The following DSE variants were observed in gnomAD, a reference collection of about 807,000 sequenced individuals.
DSE encodes dermatan sulfate epimerase.
In DSE, 36 loss-of-function variants were observed where a neutral mutation model predicts 84.4. The observed-to-expected ratio is 0.43, with a 90% confidence interval of 0.33 to 0.56. The LOEUF (loss-of-function observed/expected upper bound fraction) is 0.56, where lower values mean the gene tolerates loss of function less well. Among genes scored for constraint, DSE ranks in the 20% least tolerant of loss-of-function variants. The probability of loss-of-function intolerance (pLI) is 0.06; values close to 1 mark genes in which losing one functional copy is unlikely to be tolerated. For synonymous variants in DSE, 410 were observed against 430.1 expected (o/e 0.95, Z 0.58); for missense variants, 862 against 1,169.6 (o/e 0.74, Z 3.84).
chr6:116,372,470 C>A (rs1779661219), intron 1 of DSE, among the ~76,000 whole-genome samples: 1 of 152,106 alleles, frequency 6.6e-6, no homozygotes, highest in Admixed American at 6.5e-5. Context: ...CAAAACAAAA[C>A]AAAATTCTCA....
chr6:116,431,497 A>G (rs1470390072), intron 4 of DSE, among the ~76,000 whole-genome samples: 2 of 152,118 alleles, frequency 1.3e-5, no homozygotes, highest in African/African-American at 4.8e-5. Flanking sequence ...ATACGAACTC[A>G]TCTTCATCAT....
At chr6:116,299,095 A>G (rs957125123) in intron 2 of DSE, among the ~76,000 whole-genome samples, 2 of 152,208 alleles carry the variant, frequency 1.3e-5, no homozygotes, top group Non-Finnish European at 2.9e-5. Flanking sequence ...TCAGGATGTT[A>G]TCAATTTGCA....
intron 1 of DSE, 70 bp downstream of exon 1, chr6:116,371,191 G>A (rs1376107817): frequency 2.0e-6 from 2 of 985,368 alleles, no homozygotes; most frequent in African/African-American, 1.7e-5. Context: ...TTTCGGGCGG[G>A]TAGCCTTCGG....
At chr6:116,354,376 T>G (rs1216420571) in intron 2 of DSE, among the ~76,000 whole-genome samples, 1 of 152,142 alleles carries the variant, frequency 6.6e-6, no homozygotes, top group African/African-American at 2.4e-5. Flanking sequence ...GTCGGGCTCT[T>G]TTTTCTGGTA....
At chr6:116,421,528 G>A (rs1438648826) in intron 2 of DSE, among the ~76,000 whole-genome samples, 1 of 133,966 alleles carries the variant, frequency 7.5e-6, no homozygotes, top group East Asian at 2.2e-4. Flanking sequence ...AGCCTGGAGT[G>A]CAGTGGTGCA....
chr6:116,431,315 G>A, intron 4 of DSE, 122 bp downstream of exon 4: 1 of 1,336,944 alleles, frequency 7.5e-7, no homozygotes, highest in Non-Finnish European at 9.9e-7. Flanking sequence ...AAATTAAATA[G>A]ATTTTTTTAA....
intron 2 of DSE, among the ~76,000 whole-genome samples, chr6:116,363,183 A>G (rs1428067134): frequency 6.6e-6 from 1 of 152,008 alleles, no homozygotes; most frequent in African/African-American, 2.4e-5. Flanking sequence ...ACTTTGTAAC[A>G]GTTGCTTTTT....
intron 2 of DSE, among the ~76,000 whole-genome samples, chr6:116,410,733 C>CAAAAAAAAAAAAAAAA (rs765969508): frequency 3.8e-5 from 3 of 79,612 alleles, no homozygotes; most frequent in African/African-American, 1.2e-4. Context: ...GACTCTGTCT[C>CAAAAAAAAAAAAAAAA]AAAAAAAAAA....
chr6:116,341,972 C>T (rs144924220), intron 2 of DSE, among the ~76,000 whole-genome samples: 7 of 152,168 alleles, frequency 4.6e-5, no homozygotes, highest in Admixed American at 1.3e-4. Context: ...CTTGGCAATG[C>T]GGGCTCTTTT....
chr6:116,437,556 T>A lies in DSE; in HGVS notation c.*211T>A, dbSNP rs1281169435. The A allele has an allele frequency of 1.2e-5, 6 of 511,240 alleles. No homozygotes were observed. Among genetic ancestry groups the A allele is most frequent in the Non-Finnish European group, 2.0e-5 (6 of 297,368 alleles). The allele number at this position is 511,240 out of a possible 1,614,324, so 31.7% of individuals were successfully genotyped here. On this transcript the variant is annotated 3_prime_UTR_variant, in exon 6 of 6. Transcript: ENST00000644252. The stretch of plus-strand genomic sequence containing the variant: ...CAATAGAAATAGCTTGGTGGTCCTA[T>A]GGTGTTTTTGGAAGTATTTGGCATT...
intron 2 of DSE, among the ~76,000 whole-genome samples, chr6:116,364,880 C>G (rs1030091497): frequency 9.1e-5 from 13 of 142,316 alleles, no homozygotes; most frequent in African/African-American, 3.5e-4. Flanking sequence ...GTTGCCCAGG[C>G]TGGAGTGCAG....
At chr6:116,412,879 T>C (rs2115028780) in intron 2 of DSE, 1 of 139,442 alleles carries the variant, frequency 7.2e-6, no homozygotes, top group African/African-American at 2.6e-5. Flanking sequence ...TAGTCCCCAC[T>C]GTCTTTTGTT....
At chr6:116,277,690 A>G (rs1128261) in intron 2 of DSE, 90,707 of 151,882 alleles carry the variant, frequency 0.6, 28,167 homozygotes, top group East Asian at 0.94. Context: ...GGATCACGAG[A>G]TCGGGGTTCG....
In DSE at chr6:116,436,600, A is replaced by T. The variant is rs368920408; in HGVS notation, c.2132A>T (p.Gln711Leu). ...GCCACAGGACAGTCTGCCTTTGCAC[A>T]GGTCATTGCTGATCGTCACAAAATT... ...GEATGQSAFA[Q>L]VIADRHKILF... The change falls in exon 6 of 6, where the codon CAG becomes CTG. Residue 711 changes from glutamine (Q) to leucine (L), a missense_variant. Around this residue, in one of 4 missense-constraint regions of DSE, gnomAD observed 315 missense variants for 348.1 expected, o/e 0.90. Transcript: ENST00000644252. 1 of 1,614,074 alleles carries T rather than the reference A, an allele frequency of 6.2e-7. No individual in the cohort carries two copies. Among genetic ancestry groups the T allele is most frequent in the Non-Finnish European group, 8.5e-7 (1 of 1,180,034 alleles).
chr6:116,421,463 ATTTTT>A (rs71012335), intron 2 of DSE, among the ~76,000 whole-genome samples: 15 of 61,338 alleles, frequency 2.4e-4, no homozygotes, highest in African/African-American at 1.2e-3. Context: ...ATATATATAT[ATTTTT>A]TTTTTTTTTT....
At chr6:116,384,383 G>A (rs531461031) in intron 1 of DSE, among the ~76,000 whole-genome samples, 2 of 152,318 alleles carry the variant, frequency 1.3e-5, no homozygotes, top group South Asian at 2.1e-4. Flanking sequence ...AGTGGTCTGC[G>A]ATTAGAGGCA....
chr6:116,425,125 T>C (rs1310344306), intron 2 of DSE, among the ~76,000 whole-genome samples: 1 of 152,220 alleles, frequency 6.6e-6, no homozygotes, highest in East Asian at 1.9e-4. Context: ...ATAGTAGTTA[T>C]TATCCCTGCT....
intron 2 of DSE, among the ~76,000 whole-genome samples, chr6:116,337,561 G>A (rs528870629): frequency 1.3e-5 from 2 of 152,118 alleles, no homozygotes; most frequent in South Asian, 2.1e-4. Flanking sequence ...GCAGTGAGCC[G>A]AGATCACACC....
At chr6:116,308,857 G>A (rs1023980239) in intron 2 of DSE, among the ~76,000 whole-genome samples, 1 of 151,922 alleles carries the variant, frequency 6.6e-6, no homozygotes, top group East Asian at 1.9e-4. Flanking sequence ...TTTTGTGCTG[G>A]GATTACAGGT....
Sources: allele counts gnomAD v4.1 joint callset (sites outside exome capture counted in the v4.1 genomes callset), GRCh38; gene constraint gnomAD v4.1.1; regional missense constraint gnomAD v4.1.1; transcripts MANE v1.5; gene names NCBI Gene and HGNC (gene_info 2026-07-23, HGNC 2026-07-21).